SLC2A13: variants seen among roughly 807,000 people sequenced by gnomAD.
The protein encoded by SLC2A13 is proton myo-inositol cotransporter.
A neutral mutation model predicts 64.4 loss-of-function variants in SLC2A13; 32 were observed. That is an observed-to-expected ratio of 0.50 (90% CI 0.37 to 0.67). SLC2A13 has a LOEUF of 0.67. Among genes scored for constraint, SLC2A13 ranks in the 30% least tolerant of loss-of-function variants. SLC2A13 has a pLI of 0.00. For missense variants in SLC2A13, 743 were observed against 829.2 expected (o/e 0.90, Z 1.28); for synonymous variants, 338 against 327.1 (o/e 1.03, Z -0.36).
In SLC2A13 at chr12:40,022,894, C is replaced by G. The variant is rs546202686; in HGVS notation, c.925+5407G>C. ...TAACATGGAATTCACCCCTCCCCCCCCAAAAAAAGCCATTTTCTTTTAGGG... is the reference window on the plus strand; with the variant it reads ...TAACATGGAATTCACCCCTCCCCCCGCAAAAAAAGCCATTTTCTTTTAGGG... On this transcript the variant is annotated intron_variant, in intron 3 of 9. Transcript: ENST00000280871. Among the ~76,000 whole-genome samples, 9 of 152,166 alleles carry G rather than the reference C, an allele frequency of 5.9e-5. No individual in the cohort carries two copies. In the East Asian group the frequency reaches 1.2e-3, roughly 20 times the overall value.
intron 4 of SLC2A13, among the ~76,000 whole-genome samples, chr12:39,932,957 G>A (rs1945853759): frequency 6.6e-6 from 1 of 152,016 alleles, no homozygotes; most frequent in African/African-American, 2.4e-5. Context: ...GATTTAAAGT[G>A]TAATGGAGCC....
chr12:39,960,688 C>T (rs928711962), intron 3 of SLC2A13, among the ~76,000 whole-genome samples: 1 of 148,948 alleles, frequency 6.7e-6, no homozygotes, highest in Non-Finnish European at 1.5e-5. Context: ...CTAATATTGG[C>T]TAGTATTTTC....
At chr12:39,847,700 CAGAGAG>C (rs113170684) in intron 6 of SLC2A13, among the ~76,000 whole-genome samples, 5 of 151,944 alleles carry the variant, frequency 3.3e-5, no homozygotes, top group Non-Finnish European at 5.9e-5. Context: ...TTTCACATGA[CAGAGAG>C]AGAGAAAGAC....
At chr12:39,835,245 C>A (rs1273991334) in intron 6 of SLC2A13, among the ~76,000 whole-genome samples, 1 of 152,004 alleles carries the variant, frequency 6.6e-6, no homozygotes, top group Non-Finnish European at 1.5e-5. Flanking sequence ...CTCAAGAGCA[C>A]ACATTGTCTA....
chr12:40,024,752 T>C (rs1947776502), intron 3 of SLC2A13, among the ~76,000 whole-genome samples: 1 of 152,214 alleles, frequency 6.6e-6, no homozygotes, highest in Admixed American at 6.5e-5. Context: ...AAAGAAATAC[T>C]GCTGTACAGC....
At chr12:40,017,708 G>A (rs895611690) in intron 3 of SLC2A13, among the ~76,000 whole-genome samples, 2 of 152,134 alleles carry the variant, frequency 1.3e-5, no homozygotes, top group Non-Finnish European at 2.9e-5. Context: ...GACATCATGT[G>A]CTGAGATGGA....
chr12:39,999,770 C>T (rs188483632), intron 3 of SLC2A13, among the ~76,000 whole-genome samples: 7 of 152,318 alleles, frequency 4.6e-5, no homozygotes, highest in Non-Finnish European at 8.8e-5. Flanking sequence ...GCTGTTTCCT[C>T]AGAAGCATGT....
chr12:39,938,395 A>C (rs899504694), intron 4 of SLC2A13, among the ~76,000 whole-genome samples: 3 of 134,664 alleles, frequency 2.2e-5, no homozygotes, highest in Non-Finnish European at 5.2e-5. Context: ...CTCCATTTAA[A>C]GAAACTTTAA....
chr12:39,916,280 G>T (rs2136048160), intron 4 of SLC2A13, among the ~76,000 whole-genome samples: 1 of 151,988 alleles, frequency 6.6e-6, no homozygotes, highest in South Asian at 2.1e-4. Flanking sequence ...AAAATGTATT[G>T]AATTTTTCCT....
At chr12:40,071,077 G>T (rs1937937964) in intron 1 of SLC2A13, among the ~76,000 whole-genome samples, 1 of 152,122 alleles carries the variant, frequency 6.6e-6, no homozygotes, top group Non-Finnish European at 1.5e-5. Flanking sequence ...TGCTAAACCA[G>T]CAGAAGTTTT....
intron 1 of SLC2A13, among the ~76,000 whole-genome samples, chr12:40,064,528 AT>A (rs35540200): frequency 0.37 from 56,830 of 151,900 alleles, 10,944 homozygotes; most frequent in African/African-American, 0.42. Flanking sequence ...GTGCAAGGAA[AT>A]TCTTTTTAAA....
Position 40,048,050 on chromosome 12 carries a change from C to T in SLC2A13, c.716+1G>A. On this transcript the variant is annotated splice_donor_variant, in intron 2 of 9. Coordinates refer to ENST00000280871, the MANE Select transcript of SLC2A13 (RefSeq NM_052885.4). LOFTEE classifies it high-confidence loss of function. ...ATTAAATGTAAAAAGTATTTACAAA[C>T]CTCCATCCATCCTTCTGGAGATAAC... 1 of 1,588,172 alleles carries T rather than the reference C, an allele frequency of 6.3e-7. No individual in the cohort carries two copies. Among genetic ancestry groups the T allele is most frequent in the Non-Finnish European group, 8.5e-7 (1 of 1,173,082 alleles).
intron 7 of SLC2A13, among the ~76,000 whole-genome samples, chr12:39,777,761 T>C (rs997755059): frequency 2.0e-5 from 3 of 152,178 alleles, no homozygotes; most frequent in African/African-American, 7.2e-5. Context: ...AGTGGCAGAA[T>C]GACATGGAGT....
chr12:39,929,831 T>A (rs1945793276), intron 4 of SLC2A13, among the ~76,000 whole-genome samples: 1 of 152,082 alleles, frequency 6.6e-6, no homozygotes, highest in African/African-American at 2.4e-5. Context: ...CTGAGCAAGT[T>A]AAAGAATGCG....
intron 1 of SLC2A13, among the ~76,000 whole-genome samples, chr12:40,079,626 G>A (rs1308515725): frequency 6.6e-6 from 1 of 152,150 alleles, no homozygotes; most frequent in African/African-American, 2.4e-5. Flanking sequence ...GATCCATGTG[G>A]TTAAGTGTCA....
chr12:39,923,810 G>A lies in SLC2A13; in HGVS notation c.1034+27447C>T, dbSNP rs184018663. 1.6e-4 allele frequency among the ~76,000 whole-genome samples: 24 copies of A among 151,418 alleles called. No individual in the cohort carries two copies. The East Asian group carries it at 4.3e-3, about 27-fold the overall frequency. ...TAACAAAAGCTTACCAAACCTCATC[G>A]CACCTCAACACCTATTCTGCCTCCC... On this transcript the variant is annotated intron_variant, in intron 4 of 9. Coordinates refer to ENST00000280871, the MANE Select transcript of SLC2A13 (RefSeq NM_052885.4).
chr12:39,839,907 C>T (rs1943134122), intron 6 of SLC2A13, among the ~76,000 whole-genome samples: 1 of 152,066 alleles, frequency 6.6e-6, no homozygotes, highest in Admixed American at 6.6e-5. Flanking sequence ...ACCTATTGTT[C>T]CTTTTGTGTC....
intron 3 of SLC2A13, among the ~76,000 whole-genome samples, chr12:40,007,398 A>G (rs759434223): frequency 2.6e-5 from 4 of 152,216 alleles, no homozygotes; most frequent in Non-Finnish European, 5.9e-5. Context: ...CTAAAACTTC[A>G]TAAGTTCTTT....
chr12:39,900,092 C>A (rs1175260272), intron 4 of SLC2A13, among the ~76,000 whole-genome samples: 1 of 152,134 alleles, frequency 6.6e-6, no homozygotes, highest in African/African-American at 2.4e-5. Flanking sequence ...ACAAAAACCA[C>A]ATGATTATCT....
Sources: gnomAD v4.1 joint callset for allele counts (sites outside exome capture counted in the v4.1 genomes callset) on GRCh38, gnomAD v4.1.1 for gene constraint, MANE v1.5 for transcripts, NCBI Gene and HGNC (gene_info 2026-07-23, HGNC 2026-07-21) for gene names.